The following CHD7 variants were observed in gnomAD, a reference collection of about 807,000 sequenced individuals.
The protein encoded by CHD7 is ATP-dependent chromatin remodeler CHD7.
A neutral mutation model predicts 307.3 loss-of-function variants in CHD7; 24 were observed. The ratio of observed to expected loss-of-function variants is 0.08; its 90% confidence interval spans 0.06 to 0.11. CHD7 has a LOEUF of 0.11. Ranked by LOEUF, CHD7 falls within the 10% of genes least tolerant of loss-of-function variation. The pLI is 1.00. For synonymous variants in CHD7, 1,363 were observed against 1,349.9 expected (o/e 1.01, Z -0.21); for missense variants, 3,106 against 3,727.1 (o/e 0.83, Z 4.34).
chr8:60,748,346 G>A (rs1809436616), intron 2 of CHD7, among the ~76,000 whole-genome samples: 1 of 152,118 alleles, frequency 6.6e-6, no homozygotes, highest in Non-Finnish European at 1.5e-5. Context: ...AAGCCCTTTG[G>A]GCCTTGAGTG....
intron 19 of CHD7, among the ~76,000 whole-genome samples, chr8:60,839,803 A>G (rs1001366403): frequency 1.3e-5 from 2 of 152,150 alleles, no homozygotes; most frequent in Admixed American, 1.3e-4. Flanking sequence ...AATGTTTCAG[A>G]CTTAAAATAT....
chr8:60,699,709 A>G (rs1806662839), intron 1 of CHD7, among the ~76,000 whole-genome samples: 1 of 152,094 alleles, frequency 6.6e-6, no homozygotes, highest in Non-Finnish European at 1.5e-5. Context: ...TTTCTAGTCC[A>G]TCTCCATTTC....
chr8:60,798,611 A>G (rs1812143586), intron 4 of CHD7, among the ~76,000 whole-genome samples: 1 of 152,180 alleles, frequency 6.6e-6, no homozygotes, highest in Non-Finnish European at 1.5e-5. Context: ...GGTGCACACA[A>G]TGAATGTTTT....
chr8:60,862,712 C>G, intron 37 of CHD7, 60 bp downstream of exon 37: 3 of 1,167,588 alleles, frequency 2.6e-6, no homozygotes, highest in Non-Finnish European at 3.7e-6. Context: ...TTTCCTTAGT[C>G]TTTCTTATTT....
At chr8:60,680,445 G>T (rs946762842) in intron 1 of CHD7, among the ~76,000 whole-genome samples, 1 of 144,762 alleles carries the variant, frequency 6.9e-6, no homozygotes, top group Admixed American at 6.8e-5. Flanking sequence ...CCGGGCGGGG[G>T]TGGGGGCGCT....
chr8:60,863,373 G>C (rs756097565), intron 37 of CHD7: 12 of 152,244 alleles, frequency 7.9e-5, no homozygotes, highest in Admixed American at 3.9e-4. Flanking sequence ...CATATGGAAG[G>C]TCATCGATGG....
chr8:60,823,583 C>T (rs564422239), intron 12 of CHD7, among the ~76,000 whole-genome samples: 4 of 152,010 alleles, frequency 2.6e-5, no homozygotes, highest in Admixed American at 6.6e-5. Context: ...AGAATGGGTA[C>T]GCTTAGTGGT....
intron 1 of CHD7, among the ~76,000 whole-genome samples, chr8:60,714,681 A>G (rs893992864): frequency 6.6e-6 from 1 of 151,202 alleles, no homozygotes. Flanking sequence ...CCTTCTTGCC[A>G]CCTGCCCTCC....
At position 60,678,979 on chromosome 8, in the gene CHD7, C is replaced by G. The variant is rs1305247398; in HGVS notation, c.-278C>G. Reference sequence around the variant, plus strand: ...GTTCGCCCCCGGCCAACTCCGTGCCCGTGGATTCAGCCCCCTGGCCGCAGC... The same window carrying G: ...GTTCGCCCCCGGCCAACTCCGTGCCGGTGGATTCAGCCCCCTGGCCGCAGC... On this transcript the variant is annotated 5_prime_UTR_variant, in exon 1 of 38. Transcript: ENST00000423902. 4 of 151,934 alleles carry G rather than the reference C, an allele frequency of 2.6e-5. No homozygotes were observed. Among genetic ancestry groups the G allele is most frequent in the African/African-American group, 7.2e-5 (3 of 41,458 alleles). 9.4% of individuals were successfully genotyped at this position (151,934 alleles called of 1,614,324 possible). A position where few individuals can be genotyped will look rare whatever the true frequency, so the allele number is the denominator to read the frequency against.
chr8:60,708,943 G>A (rs1373302833), intron 1 of CHD7, among the ~76,000 whole-genome samples: 1 of 152,056 alleles, frequency 6.6e-6, no homozygotes, highest in Non-Finnish European at 1.5e-5. Context: ...AGCATCTTAC[G>A]ATGCCCTAGT....
At position 60,865,737 on chromosome 8, in the gene CHD7, C is replaced by G. The variant is rs374344463; in HGVS notation, c.8798C>G (p.Ser2933Cys). ...GCAGGACTTCAGAATGCCGTGGGCT[C>G]CAGCGAAGAAAAGGCTGCTGACAAG... ...ALAGLQNAVGSSEEKAADKAE... is the reference protein window; with the variant it reads ...ALAGLQNAVGCSEEKAADKAE... The change falls in exon 38 of 38, where the codon TCC becomes TGC. Residue 2933 changes from serine (S) to cysteine (C), a missense_variant. Physicochemically the swap from Ser to Cys is moderately radical, Grantham distance 112. Transcript: ENST00000423902. The surrounding 1 kb of genome is among the most constrained non-coding windows in gnomAD (Gnocchi z 4.3). 1.9e-6 allele frequency: 3 copies of G among 1,612,004 alleles called. No homozygotes were observed. In the African/African-American group the frequency reaches 4.0e-5, roughly 22 times the overall value.
intron 1 of CHD7, among the ~76,000 whole-genome samples, chr8:60,709,915 A>G (rs1187107593): frequency 6.6e-6 from 1 of 152,214 alleles, no homozygotes; most frequent in Non-Finnish European, 1.5e-5. Flanking sequence ...AAATTTATGT[A>G]TACCTGATTT....
chr8:60,720,096 T>C (rs2150542158), intron 1 of CHD7, among the ~76,000 whole-genome samples: 1 of 152,350 alleles, frequency 6.6e-6, no homozygotes, highest in Admixed American at 6.5e-5. Flanking sequence ...CCTGAAATAC[T>C]GTGGCTCATC....
chr8:60,764,389 A>G (rs1810369890), intron 2 of CHD7, among the ~76,000 whole-genome samples: 1 of 152,180 alleles, frequency 6.6e-6, no homozygotes, highest in African/African-American at 2.4e-5. Flanking sequence ...AAAAAGAAGT[A>G]AGATTGAGAT....
At chr8:60,739,506 G>A (rs149171780) in intron 1 of CHD7, among the ~76,000 whole-genome samples, 189 of 152,270 alleles carry the variant, frequency 1.2e-3, no homozygotes, top group Non-Finnish European at 1.4e-3. Flanking sequence ...CAGTAAAATA[G>A]CTTTCATGCT....
At chr8:60,756,107 A>G (rs1452200855) in intron 2 of CHD7, among the ~76,000 whole-genome samples, 2 of 152,268 alleles carry the variant, frequency 1.3e-5, no homozygotes, top group Non-Finnish European at 2.9e-5. Flanking sequence ...TGACTTTCAT[A>G]TAGGACCACT....
Position 60,861,041 on chromosome 8 carries a change from G to A in CHD7, c.7746G>A (p.Gly2582=), listed in dbSNP as rs746591351. Residue 2582 remains glycine (G), a synonymous_variant, in exon 35 of 38, where the codon GGG becomes GGA. Coordinates refer to ENST00000423902, the MANE Select transcript of CHD7 (RefSeq NM_017780.4). ...TTGAAGATGGGACTAGGCTGGTGGGGGAAGATGCTCCTAAAAATAAGGATT... is the reference window on the plus strand; with the variant it reads ...TTGAAGATGGGACTAGGCTGGTGGGAGAAGATGCTCCTAAAAATAAGGATT... ...INLEDGTRLV[G]EDAPKNKDLV... 5.0e-6 allele frequency: 8 copies of A among 1,613,836 alleles called. No homozygotes were observed. Among genetic ancestry groups the A allele is most frequent in the African/African-American group, 1.3e-5 (1 of 74,892 alleles).
chr8:60,787,924 G>A (rs1469585842), intron 3 of CHD7, among the ~76,000 whole-genome samples: 1 of 149,976 alleles, frequency 6.7e-6, no homozygotes, highest in Non-Finnish European at 1.5e-5. Context: ...AGGTTCAAGC[G>A]ATTCTACTGC....
chr8:60,687,981 T>C lies in CHD7; in HGVS notation c.-175+8899T>C, dbSNP rs1028434714. Among the ~76,000 whole-genome samples the C allele has an allele frequency of 3.3e-5, 5 of 152,254 alleles. No individual in the cohort carries two copies. The East Asian group carries it at 9.6e-4, about 29-fold the overall frequency. ...AGGTGTGTTAAAAATACCCATGCCA[T>C]GCTGTGATGCTACCTATTGCTGTGT... On this transcript the variant is annotated intron_variant, in intron 1 of 37. Coordinates refer to ENST00000423902, the MANE Select transcript of CHD7 (RefSeq NM_017780.4).
Sources: allele counts gnomAD v4.1 joint callset (sites outside exome capture counted in the v4.1 genomes callset), GRCh38; gene constraint gnomAD v4.1.1; non-coding constraint Gnocchi (gnomAD v3.1); transcripts MANE v1.5; gene names NCBI Gene and HGNC (gene_info 2026-07-23, HGNC 2026-07-21).